Variants in IQSEC1 observed in about 807,000 individuals in gnomAD.
IQSEC1 encodes the protein IQ motif and SEC7 domain-containing protein 1.
A neutral mutation model predicts 91.0 loss-of-function variants in IQSEC1; 31 were observed. That is an observed-to-expected ratio of 0.34 (90% CI 0.26 to 0.46). The LOEUF (loss-of-function observed/expected upper bound fraction) is 0.46. IQSEC1 is among the 20% of genes least tolerant of loss of function. IQSEC1 has a pLI of 1.00. For synonymous variants in IQSEC1, 699 were observed against 662.6 expected (o/e 1.05, Z -0.84); for missense variants, 1,388 against 1,575.6 (o/e 0.88, Z 2.02).
At chr3:13,227,354 C>T (rs1183311505) in intron 1 of IQSEC1, among the ~76,000 whole-genome samples, 8 of 110,006 alleles carry the variant, frequency 7.3e-5, no homozygotes, top group Admixed American at 1.4e-4. Context: ...CCAGCCTGGG[C>T]GACAAAGCGG....
chr3:12,909,512 A>G lies in IQSEC1; in HGVS notation c.2417-78T>C. On this transcript the variant is annotated intron_variant, in intron 10 of 13. Transcript: ENST00000613206. The surrounding 1 kb of genome is among the most constrained non-coding windows in gnomAD (Gnocchi z 4.9). ...GCAATCTCCTCTCTGGTCAGGAAAC[A>G]ATGGTAGGGCTGAGTTGTGCGTGAG... 2.1e-6 allele frequency: 3 copies of G among 1,420,312 alleles called. No individual in the cohort carries two copies. The highest frequency in any genetic ancestry group is 2.3e-5 in the East Asian group (1 of 43,732). 88.0% of individuals were successfully genotyped at this position (1,420,312 alleles called of 1,614,324 possible).
intron 1 of IQSEC1, among the ~76,000 whole-genome samples, chr3:13,017,710 G>A (rs908581617): frequency 1.3e-5 from 2 of 152,190 alleles, no homozygotes; most frequent in Non-Finnish European, 2.9e-5. Context: ...GGGAGAGGGG[G>A]CGGCAGTCAC....
Position 12,909,494 on chromosome 3 carries a change from C to T in IQSEC1, c.2417-60G>A, listed in dbSNP as rs181895331. ...GGTCTCAGTGTGTTCTCTGCAATCT[C>T]CTCTCTGGTCAGGAAACAATGGTAG... On this transcript the variant is annotated intron_variant, in intron 10 of 13. Transcript: ENST00000613206. The surrounding 1 kb of genome is among the most constrained non-coding windows in gnomAD (Gnocchi z 4.9). 3.4e-5 allele frequency: 51 copies of T among 1,509,552 alleles called. No individual in the cohort carries two copies. The African/African-American group carries it at 6.1e-4, about 18-fold the overall frequency. The allele number at this position is 1,509,552 out of a possible 1,614,324, so 93.5% of individuals were successfully genotyped here.
At position 12,908,382 on chromosome 3, in the gene IQSEC1, G is replaced by C. The variant is rs1286286662; in HGVS notation, c.2722C>G (p.Leu908Val). ...GAGAGGTCCCGCAGGGAGCTGCTGAGGGCGCTGCGCTTGAGGCCCTCACCG... is the reference window on the plus strand; with the variant it reads ...GAGAGGTCCCGCAGGGAGCTGCTGACGGCGCTGCGCTTGAGGCCCTCACCG... ...ASGEGLKRSA[L>V]SSSLRDLSEA... The change falls in exon 12 of 14, where the codon CTC (leucine) becomes GTC (valine). Residue 908 changes from leucine to valine, a missense_variant. By Grantham distance (32) the Leu-to-Val change is conservative. This residue lies in a region of IQSEC1 where 1,059 missense variants were observed against 1,317.8 expected (regional missense o/e 0.80). Coordinates refer to ENST00000613206, the MANE Select transcript of IQSEC1 (RefSeq NM_001134382.3). The surrounding 1 kb of genome is among the most constrained non-coding windows in gnomAD (Gnocchi z 4.9). The C allele has an allele frequency of 6.2e-7, 1 of 1,612,306 alleles. No homozygotes were observed. Among genetic ancestry groups the C allele is most frequent in the Admixed American group, 1.7e-5 (1 of 60,008 alleles).
At chr3:13,244,349 A>AC (rs1388020394) in intron 1 of IQSEC1, among the ~76,000 whole-genome samples, 1 of 152,096 alleles carries the variant, frequency 6.6e-6, no homozygotes, top group Non-Finnish European at 1.5e-5. Context: ...TACCATGTCT[A>AC]TTTTTTAACA....
intron 1 of IQSEC1, among the ~76,000 whole-genome samples, chr3:13,029,959 C>T (rs1445040096): frequency 2.0e-5 from 3 of 152,208 alleles, no homozygotes; most frequent in Non-Finnish European, 2.9e-5. Context: ...GCTCCACCCT[C>T]GTCCCACCTT....
chr3:12,920,165 T>G (rs1559622490), intron 6 of IQSEC1, among the ~76,000 whole-genome samples: 1 of 152,226 alleles, frequency 6.6e-6, no homozygotes, highest in Non-Finnish European at 1.5e-5. Context: ...AAGCTAACAG[T>G]GTCACCTTCT....
At chr3:12,939,651 C>G (rs139658045) in intron 2 of IQSEC1, among the ~76,000 whole-genome samples, 1 of 152,296 alleles carries the variant, frequency 6.6e-6, no homozygotes, top group Non-Finnish European at 1.5e-5. Context: ...TCCCTCTTAC[C>G]TCTTTGGAAC....
intron 1 of IQSEC1, among the ~76,000 whole-genome samples, chr3:13,168,631 C>A (rs113931848): frequency 6.6e-6 from 1 of 152,176 alleles, no homozygotes; most frequent in African/African-American, 2.4e-5. Context: ...AGTTTCCCCT[C>A]GGCTCCCCAC....
At chr3:13,182,535 A>T (rs182277112) in intron 1 of IQSEC1, among the ~76,000 whole-genome samples, 141 of 152,330 alleles carry the variant, frequency 9.3e-4, no homozygotes, top group African/African-American at 3.2e-3. Flanking sequence ...GGATGCATAT[A>T]AAGATAAGTG....
chr3:12,972,581 C>A (rs914658994), intron 1 of IQSEC1, among the ~76,000 whole-genome samples: 1 of 152,224 alleles, frequency 6.6e-6, no homozygotes, highest in Non-Finnish European at 1.5e-5. Context: ...ATTCATCTTA[C>A]GAAATGAGCA....
intron 5 of IQSEC1, among the ~76,000 whole-genome samples, chr3:12,921,487 G>A (rs1001912097): frequency 6.6e-6 from 1 of 152,252 alleles, no homozygotes; most frequent in Non-Finnish European, 1.5e-5. Context: ...ATGGATGACT[G>A]CGTAGTGACC....
Position 12,913,028 on chromosome 3 carries a change from C to G in IQSEC1, c.2316+400G>C, listed in dbSNP as rs542245349. 2.6e-5 allele frequency among the ~76,000 whole-genome samples: 4 copies of G among 152,366 alleles called. No individual in the cohort carries two copies. In the South Asian group the frequency reaches 8.3e-4, roughly 32 times the overall value. On this transcript the variant is annotated intron_variant, in intron 9 of 13. Coordinates refer to ENST00000613206, the MANE Select transcript of IQSEC1 (RefSeq NM_001134382.3). ...GCGACAAGCGCTAACTCTGCAACCT[C>G]TGCTCAGTCTAGGAAGAGGATTCTA...
intron 2 of IQSEC1, among the ~76,000 whole-genome samples, chr3:13,129,661 T>C (rs113776071): frequency 6.9e-6 from 1 of 145,336 alleles, no homozygotes; most frequent in African/African-American, 2.7e-5. Context: ...ATGAATTTTT[T>C]TTTTTTTTTT....
intron 1 of IQSEC1, among the ~76,000 whole-genome samples, chr3:13,267,767 A>G (rs1439921542): frequency 2.0e-5 from 3 of 151,698 alleles, no homozygotes; most frequent in South Asian, 4.2e-4. Context: ...ACAGGTGCCC[A>G]CCACCTCACC....
At chr3:13,240,263 T>C (rs1267005897) in intron 1 of IQSEC1, among the ~76,000 whole-genome samples, 1 of 152,072 alleles carries the variant, frequency 6.6e-6, no homozygotes, top group Non-Finnish European at 1.5e-5. Context: ...GGTATGTGCC[T>C]ACAGTCCCAG....
rs1476041995 is a variant in IQSEC1, at chr3:13,008,444, C to T, written c.23+64548G>A. On this transcript the variant is annotated intron_variant, in intron 1 of 13. Transcript: ENST00000613206. The surrounding 1 kb of genome is among the most constrained non-coding windows in gnomAD (Gnocchi z 4.1). ...CCTTTGAGCCTGAATCCCCAGGGGG[C>T]TGTTCATACTCCTCTTCCCTCTGCC... 1.3e-5 allele frequency among the ~76,000 whole-genome samples: 2 copies of T among 152,168 alleles called. No individual in the cohort carries two copies. Among genetic ancestry groups the T allele is most frequent in the Non-Finnish European group, 2.9e-5 (2 of 68,028 alleles).
At chr3:13,276,644 G>T (rs1348517742) in intron 1 of IQSEC1, among the ~76,000 whole-genome samples, 5 of 152,200 alleles carry the variant, frequency 3.3e-5, no homozygotes, top group Admixed American at 1.3e-4. Flanking sequence ...CACAGATGGG[G>T]GCCTGCAGGG....
At chr3:13,205,354 A>G (rs1322726880) in intron 1 of IQSEC1, among the ~76,000 whole-genome samples, 1 of 152,070 alleles carries the variant, frequency 6.6e-6, no homozygotes, top group East Asian at 1.9e-4. Flanking sequence ...ACCAGACAGG[A>G]CTGTAAACGC....
Sources: allele counts gnomAD v4.1 joint callset (sites outside exome capture counted in the v4.1 genomes callset), GRCh38; gene constraint gnomAD v4.1.1; regional missense constraint gnomAD v4.1.1; non-coding constraint Gnocchi (gnomAD v3.1); transcripts MANE v1.5; gene names NCBI Gene and HGNC (gene_info 2026-07-23, HGNC 2026-07-21).